Variants in SUMF1 observed in about 807,000 individuals in gnomAD.
SUMF1 encodes sulfatase modifying factor 1, also known as formylglycine-generating enzyme.
In SUMF1, 48 loss-of-function variants were observed where a neutral mutation model predicts 47.6. The observed-to-expected ratio is 1.01, with a 90% confidence interval of 0.80 to 1.28. SUMF1 has a LOEUF of 1.28. SUMF1 is among the 50% of genes most tolerant of loss of function. The pLI is 0.00. For synonymous variants in SUMF1, 230 were observed against 192.1 expected, an observed-to-expected ratio of 1.20 and a Z score of -1.63; for missense variants, 571 against 485.4, an observed-to-expected ratio of 1.18 and a Z score of -1.66.
At chr3:4,049,348 C>T (rs1695063058) in intron 9 of SUMF1, among the ~76,000 whole-genome samples, 1 of 152,154 alleles carries the variant, frequency 6.6e-6, no homozygotes, top group East Asian at 1.9e-4. Flanking sequence ...TCTATGTCTA[C>T]CTTCAAGAAA....
intron 8 of SUMF1, among the ~76,000 whole-genome samples, chr3:4,088,884 T>C (rs1692726680): frequency 6.6e-6 from 1 of 151,776 alleles, no homozygotes; most frequent in South Asian, 2.1e-4. Context: ...ACAGAAAAAA[T>C]GTGTTGAATG....
intron 3 of SUMF1, among the ~76,000 whole-genome samples, chr3:4,435,611 T>C (rs1044352988): frequency 6.6e-6 from 1 of 152,166 alleles, no homozygotes; most frequent in Non-Finnish European, 1.5e-5. Flanking sequence ...ATCAAACTGT[T>C]GAAGATAAAA....
intron 3 of SUMF1, among the ~76,000 whole-genome samples, chr3:4,440,177 T>C (rs187672453): frequency 7.8e-4 from 116 of 149,516 alleles, no homozygotes; most frequent in Non-Finnish European, 1.3e-3. Context: ...CAGAGGTTGG[T>C]TGCAGTGAGC....
chr3:4,217,709 A>T (rs1259805014), intron 8 of SUMF1, among the ~76,000 whole-genome samples: 2 of 141,044 alleles, frequency 1.4e-5, no homozygotes, highest in Non-Finnish European at 3.1e-5. Flanking sequence ...TTATTAAAAA[A>T]ATTAAAAAAT....
At chr3:4,089,596 G>A (rs748591238) in intron 8 of SUMF1, among the ~76,000 whole-genome samples, 8 of 151,980 alleles carry the variant, frequency 5.3e-5, no homozygotes, top group Non-Finnish European at 4.4e-5. Flanking sequence ...AATAAATAAA[G>A]CACTGGATAA....
At chr3:4,288,592 G>C (rs2125052487) in intron 8 of SUMF1, among the ~76,000 whole-genome samples, 1 of 152,224 alleles carries the variant, frequency 6.6e-6, no homozygotes, top group South Asian at 2.1e-4. Context: ...AAAGTCAGGA[G>C]TTTGAGACCA....
intron 8 of SUMF1, among the ~76,000 whole-genome samples, chr3:4,194,182 T>C (rs371142285): frequency 2.6e-5 from 4 of 151,940 alleles, no homozygotes; most frequent in African/African-American, 9.7e-5. Flanking sequence ...AAGAACTGAG[T>C]TTTTTTACTT....
chr3:4,198,796 A>T (rs992730883), intron 8 of SUMF1, among the ~76,000 whole-genome samples: 1 of 152,060 alleles, frequency 6.6e-6, no homozygotes, highest in African/African-American at 2.4e-5. Flanking sequence ...GAGACTCAGC[A>T]TATGCTGTAA....
At chr3:4,431,254 C>T (rs536902288) in intron 3 of SUMF1, among the ~76,000 whole-genome samples, 1 of 152,320 alleles carries the variant, frequency 6.6e-6, no homozygotes, top group South Asian at 2.1e-4. Flanking sequence ...GGATTGAGAA[C>T]CTGCCTTCCC....
chr3:4,405,651 G>A (rs888626231), intron 7 of SUMF1, among the ~76,000 whole-genome samples: 3 of 152,174 alleles, frequency 2.0e-5, no homozygotes, highest in African/African-American at 7.2e-5. Flanking sequence ...GCCTCCCAGA[G>A]TGCTGGGATT....
intron 8 of SUMF1, among the ~76,000 whole-genome samples, chr3:4,181,552 G>C (rs1695095786): frequency 1.3e-5 from 2 of 152,178 alleles, no homozygotes. Context: ...CCTTGGGCTA[G>C]TCACACAACT....
In SUMF1 at chr3:4,361,724, T is replaced by C. The variant is rs1160979168; in HGVS notation, c.*420A>G. ...TAGAATCTGATACCCTTTTTAGAAC[T>C]GGTGAGTTGGAGAGACACCCAGAGG... On this transcript the variant is annotated 3_prime_UTR_variant, in exon 9 of 9. Coordinates refer to ENST00000272902, the MANE Select transcript of SUMF1 (RefSeq NM_182760.4). 2 of 208,684 alleles carry C rather than the reference T, an allele frequency of 9.6e-6. No individual in the cohort carries two copies. Among genetic ancestry groups the C allele is most frequent in the Non-Finnish European group, 2.0e-5 (2 of 101,872 alleles). 12.9% of individuals were successfully genotyped at this position (208,684 alleles called of 1,614,324 possible).
chr3:4,397,007 C>G (rs1022105644), intron 7 of SUMF1, among the ~76,000 whole-genome samples: 1 of 152,160 alleles, frequency 6.6e-6, no homozygotes, highest in African/African-American at 2.4e-5. Context: ...AAAGAAGAAA[C>G]TTTCTCATCA....
At chr3:4,356,390 G>A (rs752353238), downstream of SUMF1, among the ~76,000 whole-genome samples, 4 of 152,076 alleles carry the variant, frequency 2.6e-5, no homozygotes, top group Admixed American at 1.3e-4. Context: ...TGAGATCACC[G>A]ATGGCTGTTA....
intron 8 of SUMF1, among the ~76,000 whole-genome samples, chr3:4,220,249 C>T (rs767400352): frequency 9.2e-5 from 14 of 152,180 alleles, no homozygotes; most frequent in South Asian, 4.2e-4. Context: ...GCACTTCATA[C>T]GAGGGGATTT....
intron 8 of SUMF1, among the ~76,000 whole-genome samples, chr3:4,093,291 T>TA (rs1256997566): frequency 6.6e-6 from 1 of 152,152 alleles, no homozygotes; most frequent in African/African-American, 2.4e-5. Context: ...CATTTGTAGA[T>TA]AACTTGTTAT....
chr3:4,045,376 C>T (rs1425762226), intron 9 of SUMF1, among the ~76,000 whole-genome samples: 5 of 151,580 alleles, frequency 3.3e-5, no homozygotes, highest in Non-Finnish European at 7.4e-5. Context: ...CTATGTCCAA[C>T]CATCCACCCA....
At chr3:4,077,617 G>A (rs1692468554) in intron 8 of SUMF1, among the ~76,000 whole-genome samples, 1 of 152,050 alleles carries the variant, frequency 6.6e-6, no homozygotes, top group African/African-American at 2.4e-5. Context: ...GAGAGCACAT[G>A]GACACAGGGA....
chr3:4,038,737 C>A (rs1694850962), intron 9 of SUMF1, among the ~76,000 whole-genome samples: 1 of 152,186 alleles, frequency 6.6e-6, no homozygotes, highest in African/African-American at 2.4e-5. Context: ...AGGAATAGAA[C>A]CACTGCTGTG....
Sources: gnomAD v4.1 joint callset for allele counts (sites outside exome capture counted in the v4.1 genomes callset) on GRCh38, gnomAD v4.1.1 for gene constraint, MANE v1.5 for transcripts, NCBI Gene and HGNC (gene_info 2026-07-23, HGNC 2026-07-21) for gene names.